Variants in ULK4 observed in about 807,000 individuals in gnomAD.
The protein encoded by ULK4 is unc-51 like kinase 4.
Under a neutral mutation model 160.6 loss-of-function variants are expected in ULK4, and 133 were observed. The observed-to-expected ratio is 0.83, with a 90% CI of 0.72 to 0.96. The LOEUF (loss-of-function observed/expected upper bound fraction) is 0.96. Ranked by LOEUF, ULK4 falls within the 40% of genes least tolerant of loss-of-function variation. ULK4 has a pLI of 0.00. For synonymous variants in ULK4, 534 were observed against 539.8 expected (o/e 0.99, Z 0.15); for missense variants, 1,580 against 1,499.5 (o/e 1.05, Z -0.89).
chr3:41,939,456 G>A (rs915510995), intron 2 of ULK4, among the ~76,000 whole-genome samples: 9 of 151,688 alleles, frequency 5.9e-5, no homozygotes, highest in Non-Finnish European at 1.2e-4. Flanking sequence ...CACTGTGCCT[G>A]GTCAAGCAAT....
chr3:41,885,500 C>A (rs1168331258), intron 16 of ULK4, among the ~76,000 whole-genome samples: 1 of 152,088 alleles, frequency 6.6e-6, no homozygotes, highest in Non-Finnish European at 1.5e-5. Context: ...CCCAGTGACT[C>A]GACACTGTAC....
rs2032023521 is a variant in ULK4, at chr3:41,600,987, C to G, written c.3120+14682G>C. ...TTGATAAAGGGATAAGCACTTGAATCAAGAGATCAGGAAAAGAACAAGACC... is the reference window on the plus strand; with the variant it reads ...TTGATAAAGGGATAAGCACTTGAATGAAGAGATCAGGAAAAGAACAAGACC... On this transcript the variant is annotated intron_variant, in intron 31 of 36. Transcript: ENST00000301831. Among the ~76,000 whole-genome samples, 4 of 152,102 alleles carry G rather than the reference C, an allele frequency of 2.6e-5. No individual in the cohort carries two copies. In the South Asian group the frequency reaches 8.3e-4, roughly 32 times the overall value.
chr3:41,761,961 G>C (rs1405644732), intron 21 of ULK4, among the ~76,000 whole-genome samples: 3 of 152,044 alleles, frequency 2.0e-5, no homozygotes, highest in Non-Finnish European at 4.4e-5. Context: ...GCACATGCCT[G>C]TAGTCCTAGC....
intron 31 of ULK4, among the ~76,000 whole-genome samples, chr3:41,574,748 G>A (rs1013590203): frequency 4.6e-5 from 7 of 152,016 alleles, no homozygotes; most frequent in South Asian, 2.1e-4. Context: ...GGGTTTCACC[G>A]TGTTAGCCAG....
chr3:41,359,476 A>G (rs2081097117), intron 35 of ULK4, among the ~76,000 whole-genome samples: 1 of 152,216 alleles, frequency 6.6e-6, no homozygotes, highest in Admixed American at 6.5e-5. Context: ...TGTCGGGAGA[A>G]GCAAGAGGGT....
intron 35 of ULK4, among the ~76,000 whole-genome samples, chr3:41,382,284 C>T (rs1406990454): frequency 6.6e-6 from 1 of 152,170 alleles, no homozygotes; most frequent in African/African-American, 2.4e-5. Flanking sequence ...ACATTGAGAA[C>T]CATGTGTGCC....
At chr3:41,549,051 C>G (rs2086970769) in intron 32 of ULK4, among the ~76,000 whole-genome samples, 1 of 152,112 alleles carries the variant, frequency 6.6e-6, no homozygotes. Flanking sequence ...AAAAGTCTTC[C>G]CCTAAGAAAC....
intron 31 of ULK4, among the ~76,000 whole-genome samples, chr3:41,586,557 T>C (rs1488308903): frequency 6.6e-6 from 1 of 152,112 alleles, no homozygotes; most frequent in Non-Finnish European, 1.5e-5. Flanking sequence ...ATGAAACAAG[T>C]TCTAGAGATT....
At position 41,283,135 on chromosome 3, in the gene ULK4, G is replaced by A. The variant is rs559527321; in HGVS notation, c.3679-33561C>T. Among the ~76,000 whole-genome samples, 9 of 152,246 alleles carry A rather than the reference G, an allele frequency of 5.9e-5. No individual in the cohort carries two copies. The South Asian group carries it at 1.7e-3, about 28-fold the overall frequency. On this transcript the variant is annotated intron_variant, in intron 35 of 36. Coordinates refer to ENST00000301831, the MANE Select transcript of ULK4 (RefSeq NM_017886.4). Reference sequence around the variant, plus strand: ...CAGTTAGAATGGTGATCATTAAAAAGTCTCAGGAAACAACAGATGCTGGAA... The same window carrying A: ...CAGTTAGAATGGTGATCATTAAAAAATCTCAGGAAACAACAGATGCTGGAA...
chr3:41,531,459 GGGAGGGGAGGGGAGA>G (rs1357528284), intron 32 of ULK4, among the ~76,000 whole-genome samples: 24 of 90,908 alleles, frequency 2.6e-4, no homozygotes, highest in African/African-American at 4.1e-4. Flanking sequence ...GGGAGGGGAG[GGGAGGGGAGGGGAGA>G]GGAGGGGAGA....
chr3:41,475,592 T>A (rs963436300), intron 32 of ULK4, among the ~76,000 whole-genome samples: 2 of 152,102 alleles, frequency 1.3e-5, no homozygotes, highest in Admixed American at 6.5e-5. Context: ...TTGTACCCCA[T>A]AAATATACAA....
rs144804942 is a variant in ULK4 at position 41,353,171 on chromosome 3, G to A, written c.3678+44908C>T. The stretch of plus-strand genomic sequence containing the variant: ...TAAGCTTTGGTACCCGTTGCTCCTG[G>A]GTCTCCCCATCTTAGAACCCTCTCT... On this transcript the variant is annotated intron_variant, in intron 35 of 36. Transcript: ENST00000301831. 6.2e-3 allele frequency among the ~76,000 whole-genome samples: 943 copies of A among 152,142 alleles called. 9 individuals are homozygous for A. Among genetic ancestry groups the A allele is most frequent in the African/African-American group, 0.022 (903 of 41,518 alleles).
At position 41,642,358 on chromosome 3, in the gene ULK4, G is replaced by A. The variant is rs561983465; in HGVS notation, c.3071+21249C>T. On this transcript the variant is annotated intron_variant, in intron 30 of 36. Coordinates refer to ENST00000301831, the MANE Select transcript of ULK4 (RefSeq NM_017886.4). Reference sequence around the variant, plus strand: ...TCCCTACTCCCCCCACCCCACAACAGTCCCCAGAGAGTGATGTTCCCCTTC... The same window carrying A: ...TCCCTACTCCCCCCACCCCACAACAATCCCCAGAGAGTGATGTTCCCCTTC... Among the ~76,000 whole-genome samples, 15 of 151,810 alleles carry A rather than the reference G, an allele frequency of 9.9e-5. 1 individual carries two copies. The South Asian group carries it at 2.7e-3, about 27-fold the overall frequency.
intron 25 of ULK4, among the ~76,000 whole-genome samples, chr3:41,706,062 G>A (rs1023129142): frequency 4.3e-4 from 66 of 151,904 alleles, no homozygotes; most frequent in Non-Finnish European, 2.1e-4. Flanking sequence ...GTTCCTCCTA[G>A]ATACCTCTTA....
At chr3:41,631,651 C>T (rs1309401156) in intron 30 of ULK4, among the ~76,000 whole-genome samples, 1 of 151,850 alleles carries the variant, frequency 6.6e-6, no homozygotes, top group Non-Finnish European at 1.5e-5. Flanking sequence ...CGCTTATTAC[C>T]TCAATAGATG....
chr3:41,265,331 T>C (rs1667461480), intron 35 of ULK4, among the ~76,000 whole-genome samples: 1 of 152,216 alleles, frequency 6.6e-6, no homozygotes, highest in Non-Finnish European at 1.5e-5. Flanking sequence ...TTGCTGAGCA[T>C]GAGTCACAGC....
intron 27 of ULK4, among the ~76,000 whole-genome samples, chr3:41,704,037 T>G (rs576177289): frequency 1.3e-5 from 2 of 152,316 alleles, no homozygotes; most frequent in African/African-American, 4.8e-5. Flanking sequence ...ATTTCTAAAT[T>G]CATTACTTTT....
intron 22 of ULK4, among the ~76,000 whole-genome samples, chr3:41,740,995 C>A (rs751754791): frequency 3.4e-4 from 52 of 152,044 alleles, no homozygotes; most frequent in Non-Finnish European, 6.6e-4. Context: ...GCTGCCTATT[C>A]GTTTCTGACA....
At chr3:41,274,969 G>T (rs1454740865) in intron 35 of ULK4, among the ~76,000 whole-genome samples, 3 of 152,062 alleles carry the variant, frequency 2.0e-5, no homozygotes, top group African/African-American at 7.2e-5. Context: ...GATTCTATGT[G>T]GGAATGCCTG....
Sources: gnomAD v4.1 joint callset for allele counts (sites outside exome capture counted in the v4.1 genomes callset) on GRCh38, gnomAD v4.1.1 for gene constraint, MANE v1.5 for transcripts, NCBI Gene and HGNC (gene_info 2026-07-23, HGNC 2026-07-21) for gene names.